Variants in KHDRBS2 observed in about 807,000 individuals in gnomAD.
The protein encoded by KHDRBS2 is KH domain-containing, RNA-binding, signal transduction-associated protein 2.
In KHDRBS2, 26 loss-of-function variants were observed where a neutral mutation model predicts 44.3. The ratio of observed to expected loss-of-function variants is 0.59; its 90% CI spans 0.43 to 0.81. The LOEUF (loss-of-function observed/expected upper bound fraction) is 0.81, where lower values mean the gene tolerates loss of function less well. Ranked by LOEUF, KHDRBS2 falls within the 40% of genes least tolerant of loss-of-function variation. KHDRBS2 has a pLI of 0.00. For missense variants in KHDRBS2, 476 were observed against 433.1 expected (o/e 1.10, Z -0.88); for synonymous variants, 194 against 151.1 (o/e 1.28, Z -2.08).
intron 7 of KHDRBS2, among the ~76,000 whole-genome samples, chr6:61,727,867 A>C (rs1773827237): frequency 6.6e-6 from 1 of 152,174 alleles, no homozygotes; most frequent in Non-Finnish European, 1.5e-5. Flanking sequence ...CAGTGGATTG[A>C]TTTCTCAAAT....
intron 2 of KHDRBS2, among the ~76,000 whole-genome samples, chr6:62,164,117 T>C (rs1391859514): frequency 6.6e-6 from 1 of 151,902 alleles, no homozygotes; most frequent in African/African-American, 2.4e-5. Flanking sequence ...TGGGGTTAAA[T>C]TTTCTACTGC....
At chr6:61,573,038 T>C in the KHDRBS2 span, among the ~76,000 whole-genome samples, 1 of 152,154 alleles carries the variant, frequency 6.6e-6, no homozygotes, top group African/African-American at 2.4e-5. Context: ...TGTCGCTGTT[T>C]GCTATTTATA....
At chr6:61,832,252 A>C (rs1470392164) in intron 6 of KHDRBS2, among the ~76,000 whole-genome samples, 1 of 152,222 alleles carries the variant, frequency 6.6e-6, no homozygotes, top group Non-Finnish European at 1.5e-5. Context: ...CAACAAAAAA[A>C]GGAAAGTATT....
chr6:62,032,245 G>C (rs1018459928), intron 3 of KHDRBS2, among the ~76,000 whole-genome samples: 6 of 151,958 alleles, frequency 3.9e-5, no homozygotes, highest in African/African-American at 2.4e-5. Context: ...TTGAGTCAGT[G>C]GGGGGAAAGG....
the KHDRBS2 span, chr6:61,574,459 A>C: frequency 7.3e-7 from 1 of 1,376,438 alleles, no homozygotes; most frequent in Non-Finnish European, 9.7e-7. Flanking sequence ...AACAACACCC[A>C]ATAAGCCCAC....
chr6:61,979,891 C>T (rs1445022439), intron 3 of KHDRBS2, among the ~76,000 whole-genome samples: 1 of 151,992 alleles, frequency 6.6e-6, no homozygotes, highest in African/African-American at 2.4e-5. Context: ...TGACACTGTC[C>T]CTTTCTATTA....
At chr6:61,880,368 G>A (rs1277291031) in intron 6 of KHDRBS2, among the ~76,000 whole-genome samples, 1 of 151,842 alleles carries the variant, frequency 6.6e-6, no homozygotes, top group African/African-American at 2.4e-5. Context: ...GAAGGGAGAG[G>A]ATTTGGTAGA....
At chr6:61,938,779 A>G (rs927085987) in intron 4 of KHDRBS2, among the ~76,000 whole-genome samples, 19 of 152,126 alleles carry the variant, frequency 1.2e-4, no homozygotes, top group African/African-American at 4.6e-4. Flanking sequence ...AGAAGAAAAA[A>G]TGGAAATAGT....
At chr6:62,255,519 C>T (rs1837227149) in intron 1 of KHDRBS2, among the ~76,000 whole-genome samples, 1 of 151,410 alleles carries the variant, frequency 6.6e-6, no homozygotes, top group South Asian at 2.1e-4. Flanking sequence ...GAGTCGAACT[C>T]TCACAGTTCA....
intron 1 of KHDRBS2, among the ~76,000 whole-genome samples, chr6:62,282,723 C>T (rs1005300384): frequency 6.6e-6 from 1 of 152,048 alleles, no homozygotes; most frequent in Non-Finnish European, 1.5e-5. Flanking sequence ...AATCATTAAA[C>T]TAGGAAAGAA....
intron 1 of KHDRBS2, among the ~76,000 whole-genome samples, chr6:62,266,317 C>A (rs1839191042): frequency 1.3e-5 from 2 of 152,034 alleles, no homozygotes; most frequent in South Asian, 4.1e-4. Flanking sequence ...TGCTTGAGGG[C>A]TGGCTCTGGC....
intron 1 of KHDRBS2, among the ~76,000 whole-genome samples, chr6:62,242,951 T>G (rs559346700): frequency 2.6e-5 from 4 of 152,234 alleles, no homozygotes; most frequent in African/African-American, 9.6e-5. Flanking sequence ...ACAAAAGGTA[T>G]GAAAGTAACA....
chr6:61,783,658 T>A (rs567383206), intron 6 of KHDRBS2, among the ~76,000 whole-genome samples: 23 of 152,208 alleles, frequency 1.5e-4, no homozygotes, highest in Admixed American at 1.2e-3. Context: ...ACTTATATAA[T>A]TAAGATTATC....
intron 6 of KHDRBS2, among the ~76,000 whole-genome samples, chr6:61,859,661 T>C (rs1488702622): frequency 1.3e-5 from 2 of 151,958 alleles, no homozygotes; most frequent in Admixed American, 1.3e-4. Flanking sequence ...GGTTCTCAGC[T>C]GGCACTTCAT....
At chr6:62,067,939 C>G (rs1437025365) in intron 2 of KHDRBS2, among the ~76,000 whole-genome samples, 1 of 151,492 alleles carries the variant, frequency 6.6e-6, no homozygotes, top group Non-Finnish European at 1.5e-5. Context: ...TATATTTTGT[C>G]TATTTAACAG....
At chr6:61,835,125 T>G (rs1792442642) in intron 6 of KHDRBS2, among the ~76,000 whole-genome samples, 1 of 152,004 alleles carries the variant, frequency 6.6e-6, no homozygotes, top group Admixed American at 6.6e-5. Flanking sequence ...TGAGAAAAGC[T>G]GGGGGTTTAT....
chr6:62,169,204 T>TATATGTATATATACGTATAC (rs1819476733), intron 2 of KHDRBS2, among the ~76,000 whole-genome samples: 1 of 110,476 alleles, frequency 9.1e-6, no homozygotes, highest in Non-Finnish European at 1.9e-5. Flanking sequence ...CATATATGTA[T>TATATGTATATATACGTATAC]ATATATGTAT....
At chr6:62,063,189 C>T (rs1341789273) in intron 2 of KHDRBS2, among the ~76,000 whole-genome samples, 1 of 115,686 alleles carries the variant, frequency 8.6e-6, no homozygotes, top group Non-Finnish European at 2.0e-5. Flanking sequence ...CAGCCGAATT[C>T]TACCAGAGGT....
chr6:62,213,679 C>T (rs1368642356), intron 1 of KHDRBS2, among the ~76,000 whole-genome samples: 1 of 151,602 alleles, frequency 6.6e-6, no homozygotes, highest in Non-Finnish European at 1.5e-5. Flanking sequence ...TCAAGACCAT[C>T]CTGGCTAACA....
Sources: allele counts gnomAD v4.1 joint callset (sites outside exome capture counted in the v4.1 genomes callset), GRCh38; gene constraint gnomAD v4.1.1; transcripts MANE v1.5; gene names NCBI Gene and HGNC (gene_info 2026-07-23, HGNC 2026-07-21).